Variants in DGAT2 observed in about 807,000 individuals in gnomAD.
The protein encoded by DGAT2 is diacylglycerol O-acyltransferase 2.
Under a neutral mutation model 48.4 loss-of-function variants are expected in DGAT2, and 33 were observed. The ratio of observed to expected loss-of-function variants is 0.68; its 90% confidence interval spans 0.52 to 0.91. DGAT2 has a LOEUF of 0.91. DGAT2 is among the 40% of genes least tolerant of loss of function. DGAT2 has a pLI of 0.00. For synonymous variants in DGAT2, 191 were observed against 194.1 expected (o/e 0.98, Z 0.13); for missense variants, 446 against 493.7 (o/e 0.90, Z 0.92).
Position 75,798,092 on chromosome 11 carries a change from C to T in DGAT2, c.810-135C>T, listed in dbSNP as rs565618113. ...ACCTGGTAGAGAGGGATCATGTGAA[C>T]TTGGGACACCCAGGTAATTCTGGTA... is the stretch of plus-strand genomic sequence containing the variant. On this transcript the variant is annotated intron_variant, in intron 6 of 7. Coordinates refer to ENST00000228027, the MANE Select transcript of DGAT2 (RefSeq NM_032564.5). 70 of 864,942 alleles carry T rather than the reference C, an allele frequency of 8.1e-5. No homozygotes were observed. The South Asian group carries it at 9.7e-4, about 12-fold the overall frequency. 53.6% of individuals were successfully genotyped at this position (864,942 alleles called of 1,614,324 possible). A position where few individuals can be genotyped will look rare whatever the true frequency, so the allele number is the denominator to read the frequency against.
chr11:75,784,758 C>T lies in DGAT2; in HGVS notation c.250+12C>T, dbSNP rs2135768510. Reference sequence around the variant, plus strand: ...CTTCCTTGTACTGGGTAAGCTGGGCCTTAGAGGGAGGGCAGGTGGGCAGGC... The same window carrying T: ...CTTCCTTGTACTGGGTAAGCTGGGCTTTAGAGGGAGGGCAGGTGGGCAGGC... On this transcript the variant is annotated intron_variant, in intron 2 of 7. Transcript: ENST00000228027. 1 of 1,613,776 alleles carries T rather than the reference C, an allele frequency of 6.2e-7. No homozygotes were observed. The highest frequency in any genetic ancestry group is 2.2e-5 in the East Asian group (1 of 44,864).
intron 1 of DGAT2, among the ~76,000 whole-genome samples, chr11:75,780,360 G>A (rs561104545): frequency 1.3e-5 from 2 of 152,282 alleles, no homozygotes; most frequent in South Asian, 4.1e-4. Flanking sequence ...CCTGAGCAAC[G>A]GTACCAGAAC....
At chr11:75,783,436 G>A (rs146906441) in intron 1 of DGAT2, among the ~76,000 whole-genome samples, 69 of 152,316 alleles carry the variant, frequency 4.5e-4, no homozygotes, top group African/African-American at 1.5e-3. Flanking sequence ...TTGAAGAAAA[G>A]CAAAGGCTTG....
intron 1 of DGAT2, among the ~76,000 whole-genome samples, chr11:75,778,648 C>A (rs1944827393): frequency 6.6e-6 from 1 of 152,024 alleles, no homozygotes; most frequent in Admixed American, 6.6e-5. Context: ...TCCTGGCTAA[C>A]ATGGTGAAAC....
chr11:75,769,329 G>T (rs933171405), intron 1 of DGAT2, among the ~76,000 whole-genome samples: 3 of 152,076 alleles, frequency 2.0e-5, no homozygotes, highest in Non-Finnish European at 4.4e-5. Flanking sequence ...TAGTTATTAG[G>T]GATATTCGAG....
intron 1 of DGAT2, among the ~76,000 whole-genome samples, chr11:75,777,282 A>C (rs1590864949): frequency 6.6e-6 from 1 of 152,150 alleles, no homozygotes; most frequent in Non-Finnish European, 1.5e-5. Context: ...ATCCTGGATT[A>C]AAGCTAAGGA....
intron 5 of DGAT2, chr11:75,796,819 A>G (rs1040045680): frequency 2.2e-5 from 11 of 501,252 alleles, no homozygotes; most frequent in Non-Finnish European, 3.6e-5. Flanking sequence ...ATTGTTGTCC[A>G]TGGCACTGTA....
Position 75,800,440 on chromosome 11 carries a change from G to A in DGAT2, c.1099G>A (p.Val367Met), listed in dbSNP as rs756684772. The A allele has an allele frequency of 6.2e-7, 1 of 1,614,200 alleles. No homozygotes were observed. Among genetic ancestry groups the A allele is most frequent in the Non-Finnish European group, 8.5e-7 (1 of 1,180,036 alleles). ...CCACACCATGTACATGGAGGCCCTGGTGAAGCTCTTCGACAAGCACAAGAC... is the reference window on the plus strand; with the variant it reads ...CCACACCATGTACATGGAGGCCCTGATGAAGCTCTTCGACAAGCACAAGAC... ...LYHTMYMEAL[V>M]KLFDKHKTKF... is the part of the protein sequence containing the mutation. Residue 367 changes from valine (V) to methionine (M), a missense_variant, in exon 8 of 8, where the codon GTG becomes ATG. Transcript: ENST00000228027.
At chr11:75,788,134 G>A (rs2135771849) in intron 2 of DGAT2, among the ~76,000 whole-genome samples, 1 of 152,256 alleles carries the variant, frequency 6.6e-6, no homozygotes, top group East Asian at 1.9e-4. Context: ...TCAGACCATA[G>A]CCTAAACCTC....
chr11:75,769,133 G>GT (rs748583534), intron 1 of DGAT2, 21 bp downstream of exon 1: 1 of 1,537,204 alleles, frequency 6.5e-7, no homozygotes, highest in South Asian at 1.2e-5. Context: ...CGGCGCAGGG[G>GT]TTATGGACCT....
At chr11:75,770,568 C>T (rs1944747899) in intron 1 of DGAT2, among the ~76,000 whole-genome samples, 1 of 152,128 alleles carries the variant, frequency 6.6e-6, no homozygotes, top group African/African-American at 2.4e-5. Flanking sequence ...TTGCACTGGG[C>T]AGTGGGATAG....
chr11:75,769,067 T>G lies in DGAT2; in HGVS notation c.76T>G (p.Ser26Ala), dbSNP rs1406140191. 2 of 1,582,386 alleles carry G rather than the reference T, an allele frequency of 1.3e-6. No homozygotes were observed. Among genetic ancestry groups the G allele is most frequent in the African/African-American group, 2.8e-5 (2 of 72,276 alleles). Residue 26 changes from serine (S) to alanine (A), a missense_variant, in exon 1 of 8, where the codon TCT becomes GCT. By Grantham distance (99) the Ser-to-Ala change is moderately conservative. Transcript: ENST00000228027. ...RQAEADRSQRSHGGPALSREG... is the reference protein window; with the variant it reads ...RQAEADRSQRAHGGPALSREG... ...GGCCGAGGCTGACCGGAGCCAGCGC[T>G]CTCACGGAGGACCTGCGCTGTCGCG...
intron 1 of DGAT2, among the ~76,000 whole-genome samples, chr11:75,771,987 A>G (rs543140757): frequency 2.6e-5 from 4 of 152,334 alleles, no homozygotes; most frequent in Non-Finnish European, 5.9e-5. Flanking sequence ...GTCTCCAGAA[A>G]GAAGGGACTT....
chr11:75,774,947 A>C (rs1944790711), intron 1 of DGAT2, among the ~76,000 whole-genome samples: 1 of 152,178 alleles, frequency 6.6e-6, no homozygotes, highest in African/African-American at 2.4e-5. Context: ...TCCTGGATGT[A>C]GATCCATGTT....
At chr11:75,774,222 G>GC (rs1371909399) in intron 1 of DGAT2, among the ~76,000 whole-genome samples, 4 of 152,194 alleles carry the variant, frequency 2.6e-5, no homozygotes, top group Non-Finnish European at 5.9e-5. Context: ...GGCCTCATGG[G>GC]CAGGGCCCAG....
At chr11:75,780,791 G>A (rs887210748) in intron 1 of DGAT2, among the ~76,000 whole-genome samples, 2 of 152,204 alleles carry the variant, frequency 1.3e-5, no homozygotes, top group Admixed American at 6.5e-5. Flanking sequence ...ACCTTGACCC[G>A]GTATCACCAT....
Position 75,790,307 on chromosome 11 carries a change from GCCTC to G in DGAT2, c.358+16_358+19del. On this transcript the variant is annotated intron_variant, in intron 3 of 7. Coordinates refer to ENST00000228027, the MANE Select transcript of DGAT2 (RefSeq NM_032564.5). ...CACACCCAAGAAAGGTAAGTGCAAG[GCCTC>G]CCTTGCCCCACCTCTCATTCTAGGG... The G allele has an allele frequency of 1.9e-6, 3 of 1,595,802 alleles. No individual in the cohort carries two copies. Among genetic ancestry groups the G allele is most frequent in the Non-Finnish European group, 2.6e-6 (3 of 1,163,432 alleles).
In DGAT2 at chr11:75,790,161, C is replaced by T. The variant is rs202036263; in HGVS notation, c.251-27C>T. 3.0e-3 allele frequency: 4,685 copies of T among 1,542,688 alleles called. 20 individuals are homozygous for T. The highest frequency in any genetic ancestry group is 3.6e-3 in the Non-Finnish European group (4,020 of 1,116,060). On this transcript the variant is annotated intron_variant, in intron 2 of 7. Transcript: ENST00000228027. ...AGAGGGGAGATGAAGCCCAGTAGGA[C>T]CTGACCTGTGGCCATCTGCCCCCCA...
intron 2 of DGAT2, among the ~76,000 whole-genome samples, chr11:75,788,026 C>T (rs1333913512): frequency 6.6e-6 from 1 of 152,290 alleles, no homozygotes; most frequent in East Asian, 1.9e-4. Context: ...CCCAGAGAGA[C>T]CAGCCCTCTA....
Sources: gnomAD v4.1 joint callset for allele counts (sites outside exome capture counted in the v4.1 genomes callset) on GRCh38, gnomAD v4.1.1 for gene constraint, MANE v1.5 for transcripts, NCBI Gene and HGNC (gene_info 2026-07-23, HGNC 2026-07-21) for gene names.